SGCD: variants seen among roughly 807,000 people sequenced by gnomAD.
The protein encoded by SGCD is sarcoglycan delta.
SGCD carries 18 observed loss-of-function variants against 36.6 expected under a neutral mutation model. The observed-to-expected ratio is 0.49, with a 90% CI of 0.34 to 0.73. The LOEUF is 0.73. SGCD is among the 30% of genes least tolerant of loss of function. SGCD has a pLI of 0.01. For synonymous variants in SGCD, 133 were observed against 130.6 expected (o/e 1.02, Z -0.12); for missense variants, 387 against 346.7 (o/e 1.12, Z -0.92).
chr5:156,270,299 A>T (rs1766141007), intron 3 of SGCD, among the ~76,000 whole-genome samples: 1 of 152,164 alleles, frequency 6.6e-6, no homozygotes, highest in African/African-American at 2.4e-5. Context: ...GCCAGGTAGC[A>T]TGATGCCTCC....
chr5:155,950,381 C>A (rs563341776), intron 1 of SGCD, among the ~76,000 whole-genome samples: 21 of 152,260 alleles, frequency 1.4e-4, no homozygotes, highest in African/African-American at 4.8e-4. Flanking sequence ...TGTCTTAGGT[C>A]CTATGTCCTG....
intron 1 of SGCD, among the ~76,000 whole-genome samples, chr5:156,084,781 G>A (rs1468179462): frequency 6.6e-6 from 1 of 152,130 alleles, no homozygotes; most frequent in South Asian, 2.1e-4. Flanking sequence ...TGATCTTAGA[G>A]AAAAAGCATT....
intron 5 of SGCD, among the ~76,000 whole-genome samples, chr5:156,590,440 A>G (rs184825587): frequency 2.5e-4 from 38 of 152,306 alleles, no homozygotes; most frequent in African/African-American, 8.2e-4. Context: ...ATGTTGTTTC[A>G]GCGTGTGACT....
intron 3 of SGCD, among the ~76,000 whole-genome samples, chr5:156,482,968 G>A (rs1472586668): frequency 6.6e-6 from 1 of 151,962 alleles, no homozygotes; most frequent in African/African-American, 2.4e-5. Flanking sequence ...ATATTCAGCA[G>A]CAACCTCAGC....
chr5:156,442,527 G>GTA (rs1191719954), intron 3 of SGCD, among the ~76,000 whole-genome samples: 2 of 152,172 alleles, frequency 1.3e-5, no homozygotes, highest in African/African-American at 4.8e-5. Context: ...ACGTACAAGT[G>GTA]TATATTTCAG....
chr5:156,371,902 A>G (rs193173153), intron 3 of SGCD, among the ~76,000 whole-genome samples: 1 of 152,280 alleles, frequency 6.6e-6, no homozygotes, highest in Admixed American at 6.5e-5. Flanking sequence ...TGTCTTTTAT[A>G]TGTTAAATTT....
At chr5:156,607,487 G>A (rs576168854) in intron 6 of SGCD, among the ~76,000 whole-genome samples, 231 of 152,290 alleles carry the variant, frequency 1.5e-3, no homozygotes, top group African/African-American at 5.5e-3. Context: ...TGTTCATCAG[G>A]GATATTGGTC....
At chr5:155,839,963 T>TA in the SGCD span, among the ~76,000 whole-genome samples, 1 of 152,036 alleles carries the variant, frequency 6.6e-6, no homozygotes, top group African/African-American at 2.4e-5. Flanking sequence ...AATCCCTGGT[T>TA]AAAAAACCTC....
the SGCD span, among the ~76,000 whole-genome samples, chr5:155,832,307 T>A: frequency 3.3e-5 from 5 of 152,186 alleles, no homozygotes; most frequent in Non-Finnish European, 7.3e-5. Flanking sequence ...AGATGAATGA[T>A]CCACTCCCTC....
chr5:155,788,971 G>A, the SGCD span, among the ~76,000 whole-genome samples: 7 of 152,100 alleles, frequency 4.6e-5, no homozygotes, highest in Non-Finnish European at 7.4e-5. Context: ...GAAAGCATTT[G>A]GAAGGAGACA....
At chr5:155,800,163 T>A in the SGCD span, among the ~76,000 whole-genome samples, 1 of 152,284 alleles carries the variant, frequency 6.6e-6, no homozygotes, top group South Asian at 2.1e-4. Context: ...AGCATAAATC[T>A]CCTTTACAGT....
the SGCD span, among the ~76,000 whole-genome samples, chr5:155,842,202 G>A: frequency 2.0e-5 from 3 of 151,202 alleles, no homozygotes; most frequent in South Asian, 6.3e-4. Context: ...GATCATATGA[G>A]CCAGAACAAT....
intron 1 of SGCD, among the ~76,000 whole-genome samples, chr5:155,950,756 G>C (rs1389762266): frequency 1.3e-5 from 2 of 152,020 alleles, no homozygotes; most frequent in Non-Finnish European, 2.9e-5. Context: ...TTGATGACTT[G>C]AATTATGCCA....
chr5:155,861,263 A>G, the SGCD span, among the ~76,000 whole-genome samples: 1 of 152,274 alleles, frequency 6.6e-6, no homozygotes, highest in East Asian at 1.9e-4. Flanking sequence ...AAATAGTTTC[A>G]TTTTGGGGCC....
At chr5:156,173,290 C>G (rs530377519) in intron 3 of SGCD, among the ~76,000 whole-genome samples, 82 of 152,232 alleles carry the variant, frequency 5.4e-4, no homozygotes, top group African/African-American at 1.9e-3. Flanking sequence ...CCAAAAAGAT[C>G]ATTTCCTGGT....
chr5:156,218,234 AG>A (rs1280309505), intron 3 of SGCD, among the ~76,000 whole-genome samples: 2 of 152,210 alleles, frequency 1.3e-5, no homozygotes, highest in Non-Finnish European at 2.9e-5. Context: ...CCTGGGCAAC[AG>A]AGCGAGACTC....
At chr5:156,034,604 G>A (rs978516633) in intron 1 of SGCD, among the ~76,000 whole-genome samples, 2 of 152,122 alleles carry the variant, frequency 1.3e-5, no homozygotes, top group Admixed American at 1.3e-4. Context: ...TAAGTGACCA[G>A]TTATTCTCCT....
rs1361141828 is a variant in SGCD, at chr5:156,508,612, A to G, written c.204A>G (p.Gly68=). Residue 68 remains glycine (G), a synonymous_variant, in exon 4 of 9, where the codon GGA becomes GGG. Transcript: ENST00000337851. The part of the protein sequence containing the change: ...KVMNFTIDGM[G]NLRITEKGLK... ...GTGTTCTATTTCAGGATGGAATGGG[A>G]AACCTGAGGATCACAGAAAAAGGTC... The G allele has an allele frequency of 2.5e-6, 4 of 1,605,858 alleles. No individual in the cohort carries two copies. Among genetic ancestry groups the G allele is most frequent in the Admixed American group, 1.7e-5 (1 of 59,870 alleles).
chr5:156,261,661 C>T (rs904069809), intron 3 of SGCD, among the ~76,000 whole-genome samples: 2 of 152,070 alleles, frequency 1.3e-5, no homozygotes, highest in South Asian at 2.1e-4. Flanking sequence ...TAGCCTCAGG[C>T]ATGTCGTTCA....
Sources: allele counts gnomAD v4.1 joint callset (sites outside exome capture counted in the v4.1 genomes callset), GRCh38; gene constraint gnomAD v4.1.1; transcripts MANE v1.5; gene names NCBI Gene and HGNC (gene_info 2026-07-23, HGNC 2026-07-21).